Variants in PHF24 observed in about 807,000 individuals in gnomAD.
PHF24 encodes the protein Galpha inhibitory interacting protein.
Under a neutral mutation model 42.6 loss-of-function variants are expected in PHF24, and 25 were observed. The ratio of observed to expected loss-of-function variants is 0.59; its 90% CI spans 0.43 to 0.82. The LOEUF (loss-of-function observed/expected upper bound fraction) is 0.82, where lower values mean the gene tolerates loss of function less well. Among genes scored for constraint, PHF24 ranks in the 40% least tolerant of loss-of-function variants. The probability of loss-of-function intolerance (pLI) is 0.00; values close to 1 mark genes in which losing one functional copy is unlikely to be tolerated. For synonymous variants in PHF24, 185 were observed against 204.8 expected (o/e 0.90, Z 0.83); for missense variants, 470 against 538.1 (o/e 0.87, Z 1.25).
the PHF24 span, among the ~76,000 whole-genome samples, chr9:34,811,845 A>G: frequency 6.6e-6 from 1 of 152,222 alleles, no homozygotes; most frequent in Non-Finnish European, 1.5e-5. Flanking sequence ...CCATAAAGAA[A>G]GTGAAAAGAC....
the PHF24 span, among the ~76,000 whole-genome samples, chr9:34,853,743 G>T: frequency 1.1e-4 from 16 of 150,716 alleles, no homozygotes; most frequent in Admixed American, 2.6e-4. Flanking sequence ...CAGGAGAATG[G>T]CGTGAACCCG....
the PHF24 span, among the ~76,000 whole-genome samples, chr9:34,871,485 T>A: frequency 6.6e-6 from 1 of 152,196 alleles, no homozygotes; most frequent in South Asian, 2.1e-4. Context: ...AGATCATGAC[T>A]TTGATGTTAT....
At chr9:34,761,338 A>G in the PHF24 span, among the ~76,000 whole-genome samples, 1 of 151,948 alleles carries the variant, frequency 6.6e-6, no homozygotes, top group African/African-American at 2.4e-5. Flanking sequence ...ATGGGGTATG[A>G]TTTATTCATT....
chr9:34,837,009 G>A, the PHF24 span: 1 of 465,598 alleles, frequency 2.1e-6, no homozygotes, highest in Middle Eastern at 3.3e-4. Context: ...CAGGCTAAAT[G>A]AAAAAATCAC....
chr9:34,760,132 C>T, the PHF24 span, among the ~76,000 whole-genome samples: 5 of 152,158 alleles, frequency 3.3e-5, no homozygotes, highest in Non-Finnish European at 5.9e-5. Flanking sequence ...CCTCTGTGGA[C>T]GCTGGAGGGC....
the PHF24 span, among the ~76,000 whole-genome samples, chr9:34,890,600 A>G: frequency 5.3e-5 from 8 of 152,314 alleles, no homozygotes; most frequent in Middle Eastern, 6.8e-3. Context: ...TCTGGGGCCC[A>G]TGGGATGCCT....
the PHF24 span, among the ~76,000 whole-genome samples, chr9:34,668,661 T>C: frequency 6.6e-6 from 1 of 152,198 alleles, no homozygotes; most frequent in African/African-American, 2.4e-5. Flanking sequence ...TCTTGTTTTA[T>C]TCCTAAAAGA....
the PHF24 span, among the ~76,000 whole-genome samples, chr9:34,880,182 C>A: frequency 6.9e-6 from 1 of 144,382 alleles, no homozygotes; most frequent in South Asian, 2.3e-4. Context: ...GCCTGCCTTA[C>A]AAGAGCTCCT....
chr9:34,977,354 C>T, intron 6 of PHF24, 111 bp downstream of exon 6: 1 of 1,355,648 alleles, frequency 7.4e-7, no homozygotes, highest in South Asian at 1.4e-5. Context: ...AGAGAGGAGC[C>T]TCCTGTGCAT....
At chr9:34,871,897 A>G in the PHF24 span, among the ~76,000 whole-genome samples, 2 of 152,284 alleles carry the variant, frequency 1.3e-5, no homozygotes, top group South Asian at 4.1e-4. Flanking sequence ...CTTTAGAAGC[A>G]ATTTGTCATT....
chr9:34,768,276 T>G, the PHF24 span, among the ~76,000 whole-genome samples: 9 of 152,314 alleles, frequency 5.9e-5, no homozygotes, highest in East Asian at 9.6e-4. Context: ...TTAAGAAGCT[T>G]GAATCTGGAT....
At chr9:34,951,482 T>C in the PHF24 span, among the ~76,000 whole-genome samples, 1 of 152,184 alleles carries the variant, frequency 6.6e-6, no homozygotes, top group South Asian at 2.1e-4. Context: ...CAGAGTGATG[T>C]GATGTGAGAA....
the PHF24 span, among the ~76,000 whole-genome samples, chr9:34,892,431 G>A: frequency 6.6e-6 from 1 of 152,234 alleles, no homozygotes; most frequent in Non-Finnish European, 1.5e-5. Context: ...AAAATTAGAA[G>A]TGGTGTGGTA....
the PHF24 span, among the ~76,000 whole-genome samples, chr9:34,830,474 G>A: frequency 1.4e-4 from 21 of 152,200 alleles, no homozygotes; most frequent in African/African-American, 4.3e-4. Flanking sequence ...GCGTTCCAGG[G>A]AGACTAGTGC....
At chr9:34,680,716 A>AAAT in the PHF24 span, among the ~76,000 whole-genome samples, 18 of 141,182 alleles carry the variant, frequency 1.3e-4, no homozygotes, top group Non-Finnish European at 1.9e-4. Context: ...ATAAAAAAAA[A>AAAT]AATAAAATAA....
chr9:34,793,778 CT>C, the PHF24 span, among the ~76,000 whole-genome samples: 126,580 of 144,292 alleles, frequency 0.88, 56,134 homozygotes, highest in East Asian at 0.96. Flanking sequence ...TCCTCTGTTT[CT>C]TTTTTTTTTT....
At chr9:34,832,416 T>C in the PHF24 span, 2 of 1,260,000 alleles carry the variant, frequency 1.6e-6, no homozygotes, top group Admixed American at 2.1e-5. Context: ...AAGCTTATTG[T>C]CTAGGGACTG....
the PHF24 span, among the ~76,000 whole-genome samples, chr9:34,744,151 C>A: frequency 6.6e-6 from 1 of 152,186 alleles, no homozygotes; most frequent in Non-Finnish European, 1.5e-5. Context: ...CCATAGCACC[C>A]TGTTTCTCCT....
the PHF24 span, among the ~76,000 whole-genome samples, chr9:34,822,006 A>C: frequency 6.6e-6 from 1 of 152,186 alleles, no homozygotes; most frequent in African/African-American, 2.4e-5. Context: ...TACAATCTTC[A>C]AGTAGTATTA....
Sources: allele counts gnomAD v4.1 joint callset (sites outside exome capture counted in the v4.1 genomes callset), GRCh38; gene constraint gnomAD v4.1.1; transcripts MANE v1.5; gene names NCBI Gene and HGNC (gene_info 2026-07-23, HGNC 2026-07-21).